CDH13: variants seen among roughly 807,000 people sequenced by gnomAD.
CDH13 encodes cadherin-13.
A neutral mutation model predicts 63.8 loss-of-function variants in CDH13; 24 were observed. That is an observed-to-expected ratio of 0.38 (90% confidence interval 0.27 to 0.53). The LOEUF (loss-of-function observed/expected upper bound fraction) is 0.53. CDH13 is among the 20% of genes least tolerant of loss of function. The pLI is 0.85. For missense variants in CDH13, 1,049 were observed against 903.1 expected, an observed-to-expected ratio of 1.16 and a Z score of -2.07; for synonymous variants, 503 against 355.3, an observed-to-expected ratio of 1.42 and a Z score of -4.67.
intron 5 of CDH13, among the ~76,000 whole-genome samples, chr16:83,334,133 A>C (rs2090536189): frequency 6.6e-6 from 1 of 151,976 alleles, no homozygotes; most frequent in Admixed American, 6.6e-5. Context: ...ACAGCTGTTC[A>C]TGTCCTTCAC....
chr16:82,828,615 C>A (rs989589214), intron 1 of CDH13, among the ~76,000 whole-genome samples: 2 of 151,042 alleles, frequency 1.3e-5, no homozygotes, highest in Non-Finnish European at 2.9e-5. Flanking sequence ...GAATGAGGGC[C>A]TGTCTAAAAT....
chr16:83,256,332 C>A (rs931065496), intron 5 of CDH13, among the ~76,000 whole-genome samples: 6 of 152,002 alleles, frequency 3.9e-5, no homozygotes, highest in African/African-American at 1.4e-4. Flanking sequence ...TACACTTGGC[C>A]CATAAGTGAT....
chr16:83,467,847 G>T (rs1322747375), intron 6 of CDH13, among the ~76,000 whole-genome samples: 2 of 152,150 alleles, frequency 1.3e-5, no homozygotes, highest in Non-Finnish European at 2.9e-5. Flanking sequence ...GGTCCGATGT[G>T]CACACTGGTA....
chr16:83,705,608 G>C (rs1222257364), intron 10 of CDH13, among the ~76,000 whole-genome samples: 6 of 152,118 alleles, frequency 3.9e-5, no homozygotes, highest in Admixed American at 3.9e-4. Context: ...GGGGCCAGAG[G>C]GAGACTCCGT....
intron 7 of CDH13, among the ~76,000 whole-genome samples, chr16:83,541,671 C>T (rs557190742): frequency 6.6e-6 from 1 of 152,282 alleles, no homozygotes; most frequent in South Asian, 2.1e-4. Context: ...GACCTGAATC[C>T]CTGACTCCCC....
rs1246476945 is a variant in CDH13 at position 83,171,627 on chromosome 16, C to G, written c.484-45718C>G. The G allele has an allele frequency of 3.7e-6, 5 of 1,359,582 alleles. No individual in the cohort carries two copies. The East Asian group carries it at 1.0e-4, about 27-fold the overall frequency. The allele number at this position is 1,359,582 out of a possible 1,614,324, so 84.2% of individuals were successfully genotyped here. A position where few individuals can be genotyped will look rare whatever the true frequency, so the allele number is the denominator to read the frequency against. ...TCTATCTTCATTTCCTTGTTTGTGTCTCCAATTTCCTATATGCCATCAGGG... is the reference window on the plus strand; with the variant it reads ...TCTATCTTCATTTCCTTGTTTGTGTGTCCAATTTCCTATATGCCATCAGGG... On this transcript the variant is annotated intron_variant, in intron 4 of 13. Transcript: ENST00000567109.
chr16:83,026,684 A>G (rs537927296), intron 2 of CDH13, among the ~76,000 whole-genome samples: 38 of 152,322 alleles, frequency 2.5e-4, no homozygotes, highest in South Asian at 1.2e-3. Context: ...TAGAATTGCT[A>G]TGAGGCTGAA....
At chr16:83,776,228 G>A (rs138139208) in intron 11 of CDH13, among the ~76,000 whole-genome samples, 303 of 152,210 alleles carry the variant, frequency 2.0e-3, no homozygotes, top group East Asian at 0.019. Context: ...TGCTCATAAC[G>A]CCTTCTCATC....
At chr16:83,768,377 A>G (rs1392353735) in intron 11 of CDH13, among the ~76,000 whole-genome samples, 2 of 152,192 alleles carry the variant, frequency 1.3e-5, no homozygotes, top group Non-Finnish European at 2.9e-5. Flanking sequence ...CACACACACA[A>G]ATTGTAATCG....
At chr16:83,447,848 C>G (rs939266810) in intron 6 of CDH13, among the ~76,000 whole-genome samples, 4 of 151,272 alleles carry the variant, frequency 2.6e-5, no homozygotes, top group African/African-American at 9.7e-5. Flanking sequence ...ATGAGATAGA[C>G]CAGTTCTCTC....
At chr16:83,442,411 C>A (rs1415052207) in intron 6 of CDH13, among the ~76,000 whole-genome samples, 1 of 152,126 alleles carries the variant, frequency 6.6e-6, no homozygotes. Flanking sequence ...GCCAAAGACC[C>A]ATCATTAAAG....
At chr16:82,930,883 T>C (rs1220979408) in intron 2 of CDH13, among the ~76,000 whole-genome samples, 1 of 152,206 alleles carries the variant, frequency 6.6e-6, no homozygotes, top group Non-Finnish European at 1.5e-5. Context: ...CTTCCCAAAT[T>C]AGATTAAAAT....
At chr16:83,768,979 C>T (rs2150995787) in intron 11 of CDH13, among the ~76,000 whole-genome samples, 1 of 152,286 alleles carries the variant, frequency 6.6e-6, no homozygotes, top group South Asian at 2.1e-4. Context: ...TACCCAGCTC[C>T]TATTCAAGAT....
rs970399520 is a variant in CDH13 at position 82,626,996 on chromosome 16, C to A, written c.-97C>A. 21 of 1,405,616 alleles carry A rather than the reference C, an allele frequency of 1.5e-5. 1 individual carries two copies. In the South Asian group the frequency reaches 2.6e-4, roughly 17 times the overall value. The allele number at this position is 1,405,616 out of a possible 1,614,324, so 87.1% of individuals were successfully genotyped here. Reference sequence around the variant, plus strand: ...TTGGGAAGTTGGCTGGCTGGCGAGGCAGAGCCTCTCCTCAAAGCCTGGCTC... The same window carrying A: ...TTGGGAAGTTGGCTGGCTGGCGAGGAAGAGCCTCTCCTCAAAGCCTGGCTC... On this transcript the variant is annotated 5_prime_UTR_variant, in exon 1 of 14. Transcript: ENST00000567109.
At chr16:83,199,528 C>G (rs2038965985) in intron 4 of CDH13, among the ~76,000 whole-genome samples, 1 of 152,204 alleles carries the variant, frequency 6.6e-6, no homozygotes, top group Non-Finnish European at 1.5e-5. Context: ...ATAGAAACCA[C>G]CAGGTAAAAT....
At chr16:82,794,262 C>T (rs936019595) in intron 1 of CDH13, among the ~76,000 whole-genome samples, 1 of 150,746 alleles carries the variant, frequency 6.6e-6, no homozygotes, top group Non-Finnish European at 1.5e-5. Flanking sequence ...TCCACTGTGG[C>T]CCAGGGAAGC....
chr16:83,562,221 G>A (rs974616776), intron 7 of CDH13, among the ~76,000 whole-genome samples: 1 of 152,190 alleles, frequency 6.6e-6, no homozygotes. Flanking sequence ...GGAATCTTCT[G>A]ACCTGGATAG....
Position 82,917,642 on chromosome 16 carries a change from T to C in CDH13, c.157+59169T>C, listed in dbSNP as rs1254447516. Among the ~76,000 whole-genome samples, 7 of 152,302 alleles carry C rather than the reference T, an allele frequency of 4.6e-5. No homozygotes were observed. The East Asian group carries it at 1.4e-3, about 29-fold the overall frequency. Reference sequence around the variant, plus strand: ...AAGAGAACATATAGGCCAGGTACCATGGCTCACGCCTGTAATCCCAGCACT... The same window carrying C: ...AAGAGAACATATAGGCCAGGTACCACGGCTCACGCCTGTAATCCCAGCACT... On this transcript the variant is annotated intron_variant, in intron 2 of 13. Coordinates refer to ENST00000567109, the MANE Select transcript of CDH13 (RefSeq NM_001257.5).
chr16:83,228,467 T>G (rs796086539), intron 5 of CDH13, among the ~76,000 whole-genome samples: 5 of 152,284 alleles, frequency 3.3e-5, no homozygotes, highest in African/African-American at 9.6e-5. Context: ...TCACTGTTCT[T>G]GTAAAGTCCA....
Sources: allele counts gnomAD v4.1 joint callset (sites outside exome capture counted in the v4.1 genomes callset), GRCh38; gene constraint gnomAD v4.1.1; transcripts MANE v1.5; gene names NCBI Gene and HGNC (gene_info 2026-07-23, HGNC 2026-07-21).